The following ATP8A2 variants were observed in gnomAD, a reference collection of about 807,000 sequenced individuals.
ATP8A2 encodes the protein ATPase phospholipid transporting 8A2.
A neutral mutation model predicts 165.6 loss-of-function variants in ATP8A2; 100 were observed. The ratio of observed to expected loss-of-function variants is 0.60; its 90% CI spans 0.51 to 0.71. The LOEUF (loss-of-function observed/expected upper bound fraction) is 0.71. Among genes scored for constraint, ATP8A2 ranks in the 30% least tolerant of loss-of-function variants. The pLI, the probability that ATP8A2 is intolerant of heterozygous loss-of-function variation, is 0.00. For missense variants in ATP8A2, 1,227 were observed against 1,479.5 expected, an observed-to-expected ratio of 0.83 and a Z score of 2.80; for synonymous variants, 543 against 548.8, an observed-to-expected ratio of 0.99 and a Z score of 0.15.
intron 24 of ATP8A2, among the ~76,000 whole-genome samples, chr13:25,629,948 G>A (rs972205834): frequency 1.3e-5 from 2 of 152,218 alleles, no homozygotes; most frequent in Admixed American, 6.5e-5. Flanking sequence ...CAAAGTCAAC[G>A]ACTTTAGAGT....
At chr13:25,544,908 G>GA (rs1491341854) in intron 10 of ATP8A2, among the ~76,000 whole-genome samples, 7 of 120,474 alleles carry the variant, frequency 5.8e-5, no homozygotes, top group African/African-American at 2.2e-4. Flanking sequence ...TTTTATGAGT[G>GA]AGTTTTTTTT....
intron 33 of ATP8A2, among the ~76,000 whole-genome samples, chr13:25,925,167 A>G (rs935841152): frequency 6.6e-6 from 1 of 152,082 alleles, no homozygotes; most frequent in Non-Finnish European, 1.5e-5. Flanking sequence ...CCTGAAAAAA[A>G]TCCTCTCTCA....
At chr13:25,875,670 T>C (rs538280096) in intron 33 of ATP8A2, among the ~76,000 whole-genome samples, 24 of 149,718 alleles carry the variant, frequency 1.6e-4, no homozygotes, top group Non-Finnish European at 2.9e-4. Flanking sequence ...ACCCAAAGAA[T>C]GATAGACACT....
At chr13:25,668,516 G>A (rs1431208394) in intron 24 of ATP8A2, among the ~76,000 whole-genome samples, 1 of 152,070 alleles carries the variant, frequency 6.6e-6, no homozygotes, top group East Asian at 1.9e-4. Context: ...ATCTCTTTGA[G>A]TTTATCCTAC....
intron 33 of ATP8A2, among the ~76,000 whole-genome samples, chr13:25,901,256 G>A (rs1176722130): frequency 6.6e-6 from 1 of 152,192 alleles, no homozygotes; most frequent in African/African-American, 2.4e-5. Context: ...GGGTTTTTAA[G>A]TGGAATTGAG....
intron 24 of ATP8A2, among the ~76,000 whole-genome samples, chr13:25,613,882 TAG>T (rs1387366261): frequency 1.3e-5 from 2 of 152,196 alleles, no homozygotes; most frequent in Admixed American, 6.5e-5. Context: ...GTTGTGATTG[TAG>T]AGTTTCTGCT....
At chr13:25,721,287 G>A (rs1201972264) in intron 25 of ATP8A2, among the ~76,000 whole-genome samples, 1 of 151,444 alleles carries the variant, frequency 6.6e-6, no homozygotes, top group African/African-American at 2.4e-5. Context: ...ACAGTTCAGT[G>A]GTTTTTAATA....
At chr13:25,588,446 G>A (rs2039982097) in intron 23 of ATP8A2, among the ~76,000 whole-genome samples, 1 of 152,142 alleles carries the variant, frequency 6.6e-6, no homozygotes, top group African/African-American at 2.4e-5. Flanking sequence ...TCTGCTCCTT[G>A]TCCCTTAGGT....
At chr13:25,531,375 TTATATATATGA>T (rs1283115607) in intron 4 of ATP8A2, among the ~76,000 whole-genome samples, 26 of 83,138 alleles carry the variant, frequency 3.1e-4, no homozygotes, top group African/African-American at 1.5e-3. Flanking sequence ...TATATATATG[TTATATATATGA>T]TATATATATG....
At chr13:25,948,539 T>C (rs1955269301) in intron 33 of ATP8A2, among the ~76,000 whole-genome samples, 1 of 152,146 alleles carries the variant, frequency 6.6e-6, no homozygotes, top group Admixed American at 6.5e-5. Context: ...TCATGCTTGC[T>C]ATGGACTGAA....
chr13:25,652,566 A>T (rs753122852), intron 24 of ATP8A2, among the ~76,000 whole-genome samples: 1 of 152,218 alleles, frequency 6.6e-6, no homozygotes, highest in African/African-American at 2.4e-5. Flanking sequence ...GTTATTCAGA[A>T]CAAGGTTGGT....
rs140381581 is a variant in ATP8A2, at chr13:25,727,062, G to A, written c.2384+27717G>A. On this transcript the variant is annotated intron_variant, in intron 25 of 36. Coordinates refer to ENST00000381655, the MANE Select transcript of ATP8A2 (RefSeq NM_016529.6). ...ATATCCCCGTCCTTCTCCATCAGGG[G>A]TACATGCATGCACGTGATGTAGAGC... Among the ~76,000 whole-genome samples the A allele has an allele frequency of 2.7e-3, 414 of 152,224 alleles. 2 individuals carry two copies. The highest frequency in any genetic ancestry group is 9.1e-3 in the African/African-American group (379 of 41,528).
intron 23 of ATP8A2, among the ~76,000 whole-genome samples, chr13:25,582,865 A>C (rs1213442717): frequency 1.3e-5 from 2 of 152,194 alleles, no homozygotes; most frequent in Non-Finnish European, 2.9e-5. Context: ...TTCTTGGATA[A>C]ATTTGATTTA....
At chr13:25,507,694 A>G (rs2037095474) in intron 2 of ATP8A2, among the ~76,000 whole-genome samples, 1 of 152,232 alleles carries the variant, frequency 6.6e-6, no homozygotes, top group Non-Finnish European at 1.5e-5. Flanking sequence ...AAGTCAGTAA[A>G]GACAATCTTA....
At chr13:25,891,762 A>C (rs1953369051) in intron 33 of ATP8A2, among the ~76,000 whole-genome samples, 1 of 152,166 alleles carries the variant, frequency 6.6e-6, no homozygotes, top group Non-Finnish European at 1.5e-5. Context: ...TAAGTGTATG[A>C]GTGTTTCACC....
chr13:25,703,536 A>G (rs1330978151), intron 25 of ATP8A2, among the ~76,000 whole-genome samples: 1 of 152,202 alleles, frequency 6.6e-6, no homozygotes, highest in Non-Finnish European at 1.5e-5. Context: ...TCATAGCAGC[A>G]CGGCCCACAG....
chr13:25,500,639 G>A (rs2036825920), intron 2 of ATP8A2, among the ~76,000 whole-genome samples: 1 of 152,094 alleles, frequency 6.6e-6, no homozygotes, highest in South Asian at 2.1e-4. Context: ...AGTCTGGAGT[G>A]CAGTGGTGCG....
At chr13:25,888,537 G>A (rs768202789) in intron 33 of ATP8A2, among the ~76,000 whole-genome samples, 22 of 152,158 alleles carry the variant, frequency 1.4e-4, no homozygotes, top group African/African-American at 2.2e-4. Context: ...ATGTTTTACC[G>A]CTGGGTTCAA....
intron 24 of ATP8A2, among the ~76,000 whole-genome samples, chr13:25,686,340 T>C (rs945829150): frequency 6.6e-6 from 1 of 152,150 alleles, no homozygotes; most frequent in Non-Finnish European, 1.5e-5. Flanking sequence ...GACCTCTGTC[T>C]CCAAACCAGA....
Sources: gnomAD v4.1 joint callset for allele counts (sites outside exome capture counted in the v4.1 genomes callset) on GRCh38, gnomAD v4.1.1 for gene constraint, MANE v1.5 for transcripts, NCBI Gene and HGNC (gene_info 2026-07-23, HGNC 2026-07-21) for gene names.